IPO11: variants seen among roughly 807,000 people sequenced by gnomAD.
IPO11 encodes the protein importin 11, also known as importin-11.
Under a neutral mutation model 143.2 loss-of-function variants are expected in IPO11, and 66 were observed. The ratio of observed to expected loss-of-function variants is 0.46; its 90% CI spans 0.38 to 0.57. IPO11 has a LOEUF of 0.57. IPO11 is among the 20% of genes least tolerant of loss of function. The pLI, the probability that IPO11 is intolerant of heterozygous loss-of-function variation, is 0.00. For synonymous variants in IPO11, 385 were observed against 377.8 expected (o/e 1.02, Z -0.22); for missense variants, 1,026 against 1,141.0 (o/e 0.90, Z 1.45).
intron 16 of IPO11, among the ~76,000 whole-genome samples, chr5:62,504,263 C>T: frequency 6.6e-6 from 1 of 152,226 alleles, no homozygotes; most frequent in Non-Finnish European, 1.5e-5. Flanking sequence ...TCTTTCTCCT[C>T]CCCACCTCCT....
At chr5:62,517,470 T>G (rs537317611) in intron 20 of IPO11, among the ~76,000 whole-genome samples, 1 of 152,188 alleles carries the variant, frequency 6.6e-6, no homozygotes, top group Non-Finnish European at 1.5e-5. Flanking sequence ...TGGTGCGATC[T>G]TGGCTCACTG....
intron 7 of IPO11, among the ~76,000 whole-genome samples, chr5:62,471,045 C>G (rs980697738): frequency 6.6e-6 from 1 of 151,434 alleles, no homozygotes; most frequent in Non-Finnish European, 1.5e-5. Flanking sequence ...CCAGGCTGGT[C>G]TTGAACTCCT....
At chr5:62,565,375 A>G (rs956616528) in intron 27 of IPO11, among the ~76,000 whole-genome samples, 4 of 152,044 alleles carry the variant, frequency 2.6e-5, no homozygotes, top group African/African-American at 9.7e-5. Context: ...AATTCCAGCT[A>G]CTCAGGAGGC....
At chr5:62,543,770 G>T (rs2112335393) in intron 24 of IPO11, among the ~76,000 whole-genome samples, 1 of 152,144 alleles carries the variant, frequency 6.6e-6, no homozygotes, top group African/African-American at 2.4e-5. Context: ...TCTTTTAATT[G>T]TGATGTTAGG....
At chr5:62,434,063 T>C (rs1744083425) in intron 1 of IPO11, among the ~76,000 whole-genome samples, 1 of 152,182 alleles carries the variant, frequency 6.6e-6, no homozygotes, top group South Asian at 2.1e-4. Context: ...CCTGCCCTTT[T>C]CTCCAACTTC....
chr5:62,537,877 T>C (rs1742789294), intron 24 of IPO11, among the ~76,000 whole-genome samples: 1 of 152,078 alleles, frequency 6.6e-6, no homozygotes, highest in Non-Finnish European at 1.5e-5. Flanking sequence ...AGAAATATAT[T>C]AAAATATCTT....
intron 2 of IPO11, among the ~76,000 whole-genome samples, chr5:62,440,375 G>T: frequency 7.1e-6 from 1 of 140,160 alleles, no homozygotes; most frequent in Non-Finnish European, 1.5e-5. Context: ...TTTTATCTGA[G>T]GTGGAGTCTC....
rs1743349580 is a variant in IPO11, at chr5:62,550,400, C to T, written c.2284C>T (p.Leu762=). The change falls in exon 25 of 30, where the codon CTA becomes TTA. Residue 762 remains leucine, a synonymous_variant. Transcript: ENST00000325324. ...VENALKVNPI[L]GPQMFQPILP... ...AAATGCCCTTAAAGTGAACCCAATA[C>T]TAGGTCCACAAATGTTTCAACCGAT... is the stretch of plus-strand genomic sequence containing the variant. The T allele has an allele frequency of 2.5e-6, 4 of 1,612,992 alleles. No homozygotes were observed. Among genetic ancestry groups the T allele is most frequent in the South Asian group, 1.1e-5 (1 of 90,930 alleles).
Position 62,442,999 on chromosome 5 carries a change from A to G in IPO11, c.155A>G (p.His52Arg). 1.2e-6 allele frequency: 2 copies of G among 1,600,552 alleles called. No homozygotes were observed. Among genetic ancestry groups the G allele is most frequent in the Non-Finnish European group, 1.7e-6 (2 of 1,172,288 alleles). ...YSVLLNIFTN[H>R]TLDINVRWLA... ...TATTTATAGAATATTTTCACCAACCACACTTTGGATATAAATGTAAGGTGG... is the reference window on the plus strand; with the variant it reads ...TATTTATAGAATATTTTCACCAACCGCACTTTGGATATAAATGTAAGGTGG... The change falls in exon 3 of 30, where the codon CAC (histidine) becomes CGC (arginine). Residue 52 changes from histidine to arginine, a missense_variant. Around this residue, in one of 5 missense-constraint regions of IPO11, gnomAD observed 429 missense variants for 456.3 expected, o/e 0.94. Transcript: ENST00000325324.
intron 19 of IPO11, among the ~76,000 whole-genome samples, chr5:62,509,024 C>G (rs1011536721): frequency 6.6e-6 from 1 of 152,210 alleles, no homozygotes; most frequent in African/African-American, 2.4e-5. Flanking sequence ...TGCTTTCTGA[C>G]ACATACAGTT....
At chr5:62,579,452 A>C (rs1265529803) in intron 27 of IPO11, 1 of 1,550,698 alleles carries the variant, frequency 6.4e-7, no homozygotes, top group Non-Finnish European at 8.7e-7. Context: ...TGTGGATTAC[A>C]GTTTTCTCTG....
chr5:62,480,922 TTTTTTTTTTTG>T (rs1436428084), intron 9 of IPO11, among the ~76,000 whole-genome samples: 4 of 106,930 alleles, frequency 3.7e-5, no homozygotes, highest in South Asian at 3.9e-4. Context: ...TTTTTTTTTT[TTTTTTTTTTTG>T]GAGACAGAGT....
chr5:62,512,314 AAT>A (rs1741779192), intron 19 of IPO11: 1 of 1,370,212 alleles, frequency 7.3e-7, no homozygotes, highest in African/African-American at 1.4e-5. Flanking sequence ...TGGATCATAT[AAT>A]GGACCCATCC....
chr5:62,513,486 G>A (rs1329705681), intron 19 of IPO11, among the ~76,000 whole-genome samples: 59 of 142,026 alleles, frequency 4.2e-4, no homozygotes, highest in African/African-American at 1.5e-3. Flanking sequence ...CAGTAGGGGC[G>A]GCCGGGCAGA....
At chr5:62,485,815 G>A (rs1459711716) in intron 12 of IPO11, among the ~76,000 whole-genome samples, 3 of 146,126 alleles carry the variant, frequency 2.1e-5, no homozygotes, top group African/African-American at 5.1e-5. Context: ...ATGCCACTGC[G>A]TTCTAGCCTG....
At chr5:62,485,091 A>G (rs545404316) in intron 11 of IPO11, among the ~76,000 whole-genome samples, 3 of 152,284 alleles carry the variant, frequency 2.0e-5, no homozygotes, top group South Asian at 4.1e-4. Context: ...TTGAAATGAA[A>G]TGATTCTCAG....
intron 24 of IPO11, among the ~76,000 whole-genome samples, chr5:62,538,725 A>AAGAT (rs1433895940): frequency 6.6e-6 from 1 of 152,210 alleles, no homozygotes; most frequent in Non-Finnish European, 1.5e-5. Flanking sequence ...ATTAACCAGT[A>AAGAT]AGATACCATC....
rs66748975 is a variant in IPO11, at chr5:62,568,574, CAAAAAAAAAAAAA to C, written c.2582+7328_2582+7340del. Among the ~76,000 whole-genome samples, 11 of 51,902 alleles carry C rather than the reference CAAAAAAAAAAAAA, an allele frequency of 2.1e-4. 1 individual carries two copies. The highest frequency in any genetic ancestry group is 0.011 in the Middle Eastern group (1 of 90). 34.0% of individuals were successfully genotyped at this position (51,902 alleles called of 152,430 possible). A position where few individuals can be genotyped will look rare whatever the true frequency, so the allele number is the denominator to read the frequency against. On this transcript the variant is annotated intron_variant, in intron 27 of 29. Coordinates refer to ENST00000325324, the MANE Select transcript of IPO11 (RefSeq NM_016338.5). Reference sequence around the variant, plus strand: ...GGGCGACAGAGCAAGACTCTGTCTCCAAAAAAAAAAAAAAAAAAAAAAATTCAATATCTTTGTT... The same window carrying C: ...GGGCGACAGAGCAAGACTCTGTCTCCAAAAAAAAAATTCAATATCTTTGTT...
At chr5:62,578,923 T>C (rs769698402) in intron 27 of IPO11, 10 of 242,952 alleles carry the variant, frequency 4.1e-5, no homozygotes, top group East Asian at 1.1e-4. Flanking sequence ...ATAATACGAA[T>C]TTCCTTTTCT....
Sources: allele counts gnomAD v4.1 joint callset (sites outside exome capture counted in the v4.1 genomes callset), GRCh38; gene constraint gnomAD v4.1.1; regional missense constraint gnomAD v4.1.1; transcripts MANE v1.5; gene names NCBI Gene and HGNC (gene_info 2026-07-23, HGNC 2026-07-21).